The following DPP10 variants were observed in gnomAD, a reference collection of about 807,000 sequenced individuals.
DPP10 encodes the protein dipeptidyl peptidase like 10, also known as inactive dipeptidyl peptidase 10.
In DPP10, 33 loss-of-function variants were observed where a neutral mutation model predicts 120.9. The observed-to-expected ratio is 0.27, with a 90% CI of 0.21 to 0.37. DPP10 has a LOEUF of 0.37. Among genes scored for constraint, DPP10 ranks in the 10% least tolerant of loss-of-function variants. The pLI is 1.00. For synonymous variants in DPP10, 337 were observed against 326.1 expected (o/e 1.03, Z -0.36); for missense variants, 816 against 942.8 (o/e 0.87, Z 1.76).
intron 1 of DPP10, among the ~76,000 whole-genome samples, chr2:114,624,526 T>G (rs1185250626): frequency 6.6e-6 from 1 of 151,954 alleles, no homozygotes; most frequent in Non-Finnish European, 1.5e-5. Flanking sequence ...TGTCACTTAG[T>G]GACTTCTCTT....
intron 5 of DPP10, among the ~76,000 whole-genome samples, chr2:115,548,317 A>T (rs2079638700): frequency 6.6e-6 from 1 of 152,150 alleles, no homozygotes; most frequent in Non-Finnish European, 1.5e-5. Context: ...ATCAACAAAG[A>T]CTGAAAGAAA....
At chr2:114,516,006 T>C (rs1177437435) in intron 1 of DPP10, among the ~76,000 whole-genome samples, 2 of 152,218 alleles carry the variant, frequency 1.3e-5, no homozygotes, top group African/African-American at 4.8e-5. Context: ...TTCTACAGCA[T>C]GCATTAGAAT....
intron 1 of DPP10, among the ~76,000 whole-genome samples, chr2:114,718,023 CTCTT>C (rs781339040): frequency 1.3e-4 from 19 of 151,822 alleles, no homozygotes; most frequent in Non-Finnish European, 2.8e-4. Flanking sequence ...GAGAAATTAT[CTCTT>C]TCTATGTTTC....
chr2:115,665,245 C>A (rs987800362), intron 5 of DPP10, among the ~76,000 whole-genome samples: 2 of 152,134 alleles, frequency 1.3e-5, no homozygotes, highest in Admixed American at 1.3e-4. Flanking sequence ...CGTGTTTTAG[C>A]CTGTAAACCT....
chr2:114,787,388 G>T (rs1682855805), intron 1 of DPP10, among the ~76,000 whole-genome samples: 1 of 152,200 alleles, frequency 6.6e-6, no homozygotes, highest in East Asian at 1.9e-4. Flanking sequence ...CTAATCCCTG[G>T]TTGGGAAACT....
chr2:115,464,458 G>A (rs187287649), intron 3 of DPP10, among the ~76,000 whole-genome samples: 24 of 151,692 alleles, frequency 1.6e-4, no homozygotes, highest in African/African-American at 5.6e-4. Flanking sequence ...CAGCGGTACA[G>A]GAGAACTAGC....
chr2:115,052,781 G>A (rs1005488684), intron 1 of DPP10, among the ~76,000 whole-genome samples: 18 of 151,920 alleles, frequency 1.2e-4, no homozygotes, highest in Admixed American at 9.2e-4. Flanking sequence ...GCGAAACCCC[G>A]TCTCTACTCA....
intron 1 of DPP10, among the ~76,000 whole-genome samples, chr2:115,033,697 CTTTT>C (rs10693499): frequency 7.2e-6 from 1 of 137,964 alleles, no homozygotes; most frequent in Non-Finnish European, 1.6e-5. Context: ...ATCTTCCCTC[CTTTT>C]TTTTTTTTTT....
At chr2:115,240,965 C>A (rs2058245830) in intron 1 of DPP10, among the ~76,000 whole-genome samples, 1 of 152,096 alleles carries the variant, frequency 6.6e-6, no homozygotes, top group Non-Finnish European at 1.5e-5. Flanking sequence ...CTTTTCATGG[C>A]AAACCTATAA....
chr2:114,472,626 G>T (rs1240720138), intron 1 of DPP10, among the ~76,000 whole-genome samples: 1 of 152,044 alleles, frequency 6.6e-6, no homozygotes, highest in Non-Finnish European at 1.5e-5. Context: ...TTATCTCAGG[G>T]GACTCACAGT....
intron 1 of DPP10, among the ~76,000 whole-genome samples, chr2:114,574,636 T>C (rs1325128778): frequency 6.6e-6 from 1 of 152,112 alleles, no homozygotes; most frequent in East Asian, 1.9e-4. Flanking sequence ...AAGTGAAAAA[T>C]GGTCTCCATA....
At chr2:114,582,908 C>T (rs1350342640) in intron 1 of DPP10, among the ~76,000 whole-genome samples, 1 of 152,100 alleles carries the variant, frequency 6.6e-6, no homozygotes, top group Non-Finnish European at 1.5e-5. Context: ...TGTGTACGTC[C>T]TTATTACTCC....
In DPP10 at chr2:115,746,159, T is replaced by G; in HGVS notation, c.926T>G (p.Met309Arg). Residue 309 changes from methionine (M) to arginine (R), a missense_variant, in exon 10 of 26, where the codon ATG becomes AGG. Coordinates refer to ENST00000410059, the MANE Select transcript of DPP10 (RefSeq NM_020868.6). ...LYGPTHTLEL[M>R]PPDSFKSREY... ...GGACCAACTCACACTTTGGAGCTCA[T>G]GCCACCTGACAGCTTTAAATCAAGG... The G allele has an allele frequency of 6.2e-7, 1 of 1,612,862 alleles. No homozygotes were observed. Among genetic ancestry groups the G allele is most frequent in the Non-Finnish European group, 8.5e-7 (1 of 1,179,518 alleles).
intron 1 of DPP10, among the ~76,000 whole-genome samples, chr2:115,170,268 A>G (rs2053217551): frequency 6.6e-6 from 1 of 152,156 alleles, no homozygotes; most frequent in Non-Finnish European, 1.5e-5. Flanking sequence ...TTTTCACTTC[A>G]CATGTTTTAA....
chr2:115,188,334 ATAAT>A (rs2054619049), intron 1 of DPP10, among the ~76,000 whole-genome samples: 1 of 152,200 alleles, frequency 6.6e-6, no homozygotes, highest in Non-Finnish European at 1.5e-5. Context: ...AGAAAACGGG[ATAAT>A]TAAAGAATCA....
intron 1 of DPP10, among the ~76,000 whole-genome samples, chr2:114,571,435 T>C (rs1028173346): frequency 6.6e-6 from 1 of 152,180 alleles, no homozygotes; most frequent in Non-Finnish European, 1.5e-5. Flanking sequence ...GGACAGCCTG[T>C]GGAACCGTGA....
intron 5 of DPP10, among the ~76,000 whole-genome samples, chr2:115,557,123 A>T (rs769933780): frequency 4.7e-4 from 71 of 152,130 alleles, no homozygotes; most frequent in Non-Finnish European, 8.8e-4. Context: ...TAGAAATTAA[A>T]ATATAACCAC....
chr2:115,333,989 C>T (rs550155875), intron 2 of DPP10, among the ~76,000 whole-genome samples: 1 of 151,860 alleles, frequency 6.6e-6, no homozygotes, highest in East Asian at 1.9e-4. Context: ...AAATATGGGA[C>T]TATGTGAAAA....
intron 2 of DPP10, among the ~76,000 whole-genome samples, chr2:115,329,053 C>T (rs1046107686): frequency 5.3e-5 from 8 of 151,958 alleles, no homozygotes; most frequent in African/African-American, 1.9e-4. Context: ...AAACTTCTTG[C>T]AGATTATGCT....
Sources: gnomAD v4.1 joint callset for allele counts (sites outside exome capture counted in the v4.1 genomes callset) on GRCh38, gnomAD v4.1.1 for gene constraint, MANE v1.5 for transcripts, NCBI Gene and HGNC (gene_info 2026-07-23, HGNC 2026-07-21) for gene names.